The following KDM4C variants were observed in gnomAD, a reference collection of about 807,000 sequenced individuals.
KDM4C encodes the protein lysine demethylase 4C, also known as lysine-specific demethylase 4C.
In KDM4C, 81 loss-of-function variants were observed where a neutral mutation model predicts 129.3. The observed-to-expected ratio is 0.63, with a 90% CI of 0.52 to 0.75. The LOEUF is 0.75. Among genes scored for constraint, KDM4C ranks in the 30% least tolerant of loss-of-function variants. The probability of loss-of-function intolerance (pLI) is 0.00; values close to 1 mark genes in which losing one functional copy is unlikely to be tolerated. For missense variants in KDM4C, 1,457 were observed against 1,304.0 expected, an observed-to-expected ratio of 1.12 and a Z score of -1.81; for synonymous variants, 573 against 456.1, an observed-to-expected ratio of 1.26 and a Z score of -3.26.
chr9:7,076,423 G>A, intron 17 of KDM4C: 4 of 1,537,882 alleles, frequency 2.6e-6, no homozygotes, highest in Non-Finnish European at 2.6e-6. Flanking sequence ...AATTTGCATT[G>A]TGTTTTTCAG....
At chr9:7,070,299 G>T (rs770457511) in intron 17 of KDM4C, among the ~76,000 whole-genome samples, 3 of 152,154 alleles carry the variant, frequency 2.0e-5, no homozygotes, top group Admixed American at 6.5e-5. Context: ...TCAGTATTAT[G>T]ATGTAAAATG....
rs1275756426 is a variant in KDM4C, at chr9:6,751,204, G to C, written c.49+30207G>C. 2.6e-5 allele frequency among the ~76,000 whole-genome samples: 4 copies of C among 152,306 alleles called. No homozygotes were observed. The East Asian group carries it at 7.7e-4, about 29-fold the overall frequency. On this transcript the variant is annotated intron_variant, in intron 1 of 17. Transcript: ENST00000536108. Reference sequence around the variant, plus strand: ...CTCACGCCTGTAATCCCAGCACTTTGGGAGGCTGAGGCTGGCGGATTGCTT... The same window carrying C: ...CTCACGCCTGTAATCCCAGCACTTTCGGAGGCTGAGGCTGGCGGATTGCTT...
intron 4 of KDM4C, among the ~76,000 whole-genome samples, chr9:6,819,272 G>T (rs1243648963): frequency 6.6e-6 from 1 of 152,196 alleles, no homozygotes; most frequent in Non-Finnish European, 1.5e-5. Context: ...ACTTTGGTTT[G>T]CAGTGCTTAT....
At chr9:6,741,676 C>CTTTTTTTTTTTTTTT (rs71315557) in intron 1 of KDM4C, among the ~76,000 whole-genome samples, 23 of 94,066 alleles carry the variant, frequency 2.4e-4, no homozygotes, top group African/African-American at 8.9e-4. Flanking sequence ...GGTGGCAGCT[C>CTTTTTTTTTTTTTTT]TTTTTTTTTT....
At chr9:6,822,252 G>A (rs1448441779) in intron 4 of KDM4C, among the ~76,000 whole-genome samples, 1 of 152,192 alleles carries the variant, frequency 6.6e-6, no homozygotes, top group Non-Finnish European at 1.5e-5. Context: ...AGTTGTGACA[G>A]ATTATATGGC....
At chr9:6,989,868 G>T (rs1489997497) in intron 11 of KDM4C, among the ~76,000 whole-genome samples, 1 of 151,934 alleles carries the variant, frequency 6.6e-6, no homozygotes, top group African/African-American at 2.4e-5. Context: ...TCCACCTCCT[G>T]GGCTCAAGGG....
intron 1 of KDM4C, among the ~76,000 whole-genome samples, chr9:6,737,288 A>G (rs922048435): frequency 1.3e-5 from 2 of 152,100 alleles, no homozygotes; most frequent in African/African-American, 4.8e-5. Flanking sequence ...TATGCATCCA[A>G]CAAAGGTCTA....
intron 8 of KDM4C, among the ~76,000 whole-genome samples, chr9:6,964,277 C>T (rs1359526160): frequency 2.0e-5 from 3 of 148,542 alleles, no homozygotes; most frequent in African/African-American, 7.4e-5. Flanking sequence ...GTGTGATATT[C>T]CCCATCCTGT....
At chr9:6,790,442 T>TG (rs1039010852) in intron 1 of KDM4C, among the ~76,000 whole-genome samples, 3 of 149,900 alleles carry the variant, frequency 2.0e-5, no homozygotes, top group South Asian at 4.2e-4. Context: ...TTAGTAGAGA[T>TG]GGGGTTTCAC....
chr9:7,074,767 G>T (rs1833692000), intron 17 of KDM4C, among the ~76,000 whole-genome samples: 1 of 152,010 alleles, frequency 6.6e-6, no homozygotes, highest in South Asian at 2.1e-4. Context: ...AGCCTTTTTG[G>T]CTGCTGTATA....
chr9:6,762,141 C>T (rs1264146022), intron 1 of KDM4C, among the ~76,000 whole-genome samples: 2 of 151,780 alleles, frequency 1.3e-5, no homozygotes, highest in African/African-American at 4.8e-5. Flanking sequence ...GGTACATGTG[C>T]GCAACGTGCA....
chr9:6,779,319 T>G (rs186743366), intron 1 of KDM4C, among the ~76,000 whole-genome samples: 207 of 143,536 alleles, frequency 1.4e-3, no homozygotes, highest in Non-Finnish European at 1.4e-3. Context: ...CCTGGCTGAT[T>G]AAAGTCTTTT....
intron 2 of KDM4C, among the ~76,000 whole-genome samples, chr9:6,794,743 T>TAA (rs199997608): frequency 6.6e-6 from 1 of 150,960 alleles, no homozygotes; most frequent in Non-Finnish European, 1.5e-5. Flanking sequence ...ATAATATTCT[T>TAA]AAAAAAAAAT....
At chr9:6,750,147 ACAG>A (rs1264609621) in intron 1 of KDM4C, among the ~76,000 whole-genome samples, 1 of 151,882 alleles carries the variant, frequency 6.6e-6, no homozygotes, top group Non-Finnish European at 1.5e-5. Flanking sequence ...TAGAGGTAAG[ACAG>A]CTCTTCATGG....
At chr9:6,786,160 A>T (rs1400046346) in intron 1 of KDM4C, among the ~76,000 whole-genome samples, 1 of 152,204 alleles carries the variant, frequency 6.6e-6, no homozygotes, top group Non-Finnish European at 1.5e-5. Context: ...ACAGGTGTAG[A>T]CAGGGAAGGA....
intron 8 of KDM4C, among the ~76,000 whole-genome samples, chr9:6,911,835 G>A (rs571057545): frequency 6.6e-6 from 1 of 152,190 alleles, no homozygotes; most frequent in African/African-American, 2.4e-5. Context: ...CTGGGGCTCG[G>A]GGAGGTGGCA....
At chr9:7,024,316 G>A (rs1825411880) in intron 15 of KDM4C, among the ~76,000 whole-genome samples, 1 of 146,804 alleles carries the variant, frequency 6.8e-6, no homozygotes, top group Admixed American at 6.8e-5. Flanking sequence ...TTCTTTTCAA[G>A]GTGTTTTTTT....
chr9:6,816,175 A>G (rs548053613), intron 4 of KDM4C, among the ~76,000 whole-genome samples: 3 of 152,320 alleles, frequency 2.0e-5, no homozygotes, highest in South Asian at 2.1e-4. Flanking sequence ...CATTCAGTGG[A>G]TTTGGCATCT....
intron 4 of KDM4C, among the ~76,000 whole-genome samples, chr9:6,828,377 G>C (rs1284804757): frequency 6.6e-6 from 1 of 151,920 alleles, no homozygotes; most frequent in African/African-American, 2.4e-5. Flanking sequence ...TCAATCTCCT[G>C]ACCTTGTGAT....
Sources: allele counts gnomAD v4.1 joint callset (sites outside exome capture counted in the v4.1 genomes callset), GRCh38; gene constraint gnomAD v4.1.1; transcripts MANE v1.5; gene names NCBI Gene and HGNC (gene_info 2026-07-23, HGNC 2026-07-21).